Variants in INSL6 observed in about 807,000 individuals in gnomAD.
INSL6 encodes the protein insulin-like peptide INSL6.
In INSL6, 16 loss-of-function variants were observed where a neutral mutation model predicts 9.4. The observed-to-expected ratio is 1.70, with a 90% CI of 1.15 to 2.59. INSL6 has a LOEUF of 2.59. INSL6 is among the 30% of genes most tolerant of loss of function. INSL6 has a pLI of 0.00. For synonymous variants in INSL6, 154 were observed against 96.9 expected (o/e 1.59, Z -3.46); for missense variants, 391 against 257.3 (o/e 1.52, Z -3.56).
chr9:5,078,470 A>C, the INSL6 span: 10 of 1,584,362 alleles, frequency 6.3e-6, no homozygotes, highest in Non-Finnish European at 8.6e-6. Flanking sequence ...ATTATATATA[A>C]TGTTACTAAG....
chr9:5,075,876 C>T, the INSL6 span, among the ~76,000 whole-genome samples: 1 of 152,156 alleles, frequency 6.6e-6, no homozygotes, highest in African/African-American at 2.4e-5. Context: ...GGAAAGGATT[C>T]ACCATTCTAG....
the INSL6 span, chr9:5,114,383 C>A: frequency 3.8e-6 from 2 of 522,948 alleles, no homozygotes; most frequent in Admixed American, 4.5e-5. Flanking sequence ...CCATCACGTC[C>A]ACCCTGCTGG....
At chr9:5,140,224 C>T (rs985378134) in intron 2 of INSL6, among the ~76,000 whole-genome samples, 2 of 152,144 alleles carry the variant, frequency 1.3e-5, no homozygotes, top group Non-Finnish European at 2.9e-5. Context: ...AAGTGAATGA[C>T]ACCAACTAAA....
the INSL6 span, among the ~76,000 whole-genome samples, chr9:5,074,155 A>G: frequency 6.6e-6 from 1 of 152,248 alleles, no homozygotes; most frequent in East Asian, 1.9e-4. Context: ...TAAATGATAC[A>G]CTTAATTTTT....
the INSL6 span, chr9:5,080,221 T>C: frequency 5.0e-6 from 8 of 1,605,218 alleles, no homozygotes; most frequent in Admixed American, 1.4e-4. Context: ...GTTCGTATCA[T>C]TTAAAAGTTC....
intron 2 of INSL6, among the ~76,000 whole-genome samples, chr9:5,156,527 A>G (rs532951324): frequency 6.6e-6 from 1 of 152,258 alleles, no homozygotes; most frequent in African/African-American, 2.4e-5. Context: ...ACAACATTCA[A>G]CACCTACTCA....
At chr9:5,113,043 G>A in the INSL6 span, among the ~76,000 whole-genome samples, 3 of 152,122 alleles carry the variant, frequency 2.0e-5, no homozygotes, top group Non-Finnish European at 2.9e-5. Flanking sequence ...GGAAGGTGAC[G>A]CTGGGTCCAG....
At chr9:5,055,564 T>C in the INSL6 span, 2 of 907,300 alleles carry the variant, frequency 2.2e-6, no homozygotes. Flanking sequence ...ATCAATACCT[T>C]TTTTATTTTA....
the INSL6 span, chr9:5,112,281 T>C: frequency 1.1e-5 from 3 of 266,230 alleles, no homozygotes; most frequent in Admixed American, 9.9e-5. Flanking sequence ...AGCGCCAGCC[T>C]CATGCACATC....
At chr9:5,111,727 C>A in the INSL6 span, 1 of 432,180 alleles carries the variant, frequency 2.3e-6, no homozygotes, top group Non-Finnish European at 4.6e-6. Context: ...AGCACGAGCG[C>A]GTGGGCTACC....
At chr9:5,128,800 T>C (rs1824166368) in intron 3 of INSL6, among the ~76,000 whole-genome samples, 1 of 152,104 alleles carries the variant, frequency 6.6e-6, no homozygotes, top group African/African-American at 2.4e-5. Flanking sequence ...GTTATTAAGT[T>C]GGTTCTGTAC....
intron 2 of INSL6, among the ~76,000 whole-genome samples, chr9:5,136,432 C>G (rs142768244): frequency 2.0e-5 from 3 of 152,182 alleles, no homozygotes; most frequent in Non-Finnish European, 2.9e-5. Context: ...ATGATCAAGT[C>G]GGCTTCATTC....
At chr9:5,090,810 C>G in the INSL6 span, 3 of 1,613,174 alleles carry the variant, frequency 1.9e-6, no homozygotes, top group East Asian at 6.7e-5. Context: ...TGGTGGAGAA[C>G]GAGAACAGAG....
At chr9:5,183,578 A>C (rs996314957) in intron 1 of INSL6, among the ~76,000 whole-genome samples, 2 of 152,182 alleles carry the variant, frequency 1.3e-5, no homozygotes, top group African/African-American at 4.8e-5. Flanking sequence ...TTTGTTGAGA[A>C]AAGGCATTCC....
At position 5,185,567 on chromosome 9, in the gene INSL6, A is replaced by C; in HGVS notation, c.36T>G (p.Leu12=). The C allele has an allele frequency of 6.2e-7, 1 of 1,613,950 alleles. No homozygotes were observed. The highest frequency in any genetic ancestry group is 1.1e-5 in the South Asian group (1 of 91,050). ...PRLLRLSLLW[L]GLLLVRFSRE... ...GAGAAAACCGAACCAGCAGGAGTCC[A>C]AGCCACAGCAGGGACAAGCGGAGGA... The change falls in exon 1 of 2, where the codon CTT becomes CTG. Residue 12 remains leucine (L), a synonymous_variant. Transcript: ENST00000381641.
chr9:5,025,274 A>C, the INSL6 span, among the ~76,000 whole-genome samples: 4 of 152,084 alleles, frequency 2.6e-5, no homozygotes, highest in Non-Finnish European at 4.4e-5. Flanking sequence ...TGGTGAGATT[A>C]CCCTTGGTAT....
At chr9:5,029,558 A>G in the INSL6 span, among the ~76,000 whole-genome samples, 1 of 152,212 alleles carries the variant, frequency 6.6e-6, no homozygotes, top group Non-Finnish European at 1.5e-5. Context: ...AATATCTGCA[A>G]AGTACAATAA....
the INSL6 span, among the ~76,000 whole-genome samples, chr9:5,000,964 CCAAGATAGCAAAGCAT>C: frequency 6.6e-6 from 1 of 151,928 alleles, no homozygotes; most frequent in African/African-American, 2.4e-5. Context: ...CAGCAAATTC[CCAAGATAGCAAAGCAT>C]CAAAAATACA....
chr9:5,039,303 A>G, the INSL6 span, among the ~76,000 whole-genome samples: 1 of 152,166 alleles, frequency 6.6e-6, no homozygotes, highest in Non-Finnish European at 1.5e-5. Flanking sequence ...AGTTGTGCTT[A>G]CACTGAACAT....
Sources: allele counts gnomAD v4.1 joint callset (sites outside exome capture counted in the v4.1 genomes callset), GRCh38; gene constraint gnomAD v4.1.1; transcripts MANE v1.5; gene names NCBI Gene and HGNC (gene_info 2026-07-23, HGNC 2026-07-21).